The following FNIP2 variants were observed in gnomAD, a reference collection of about 807,000 sequenced individuals.
The protein encoded by FNIP2 is folliculin interacting protein 2, also known as folliculin-interacting protein 2.
In FNIP2, 32 loss-of-function variants were observed where a neutral mutation model predicts 108.7. The ratio of observed to expected loss-of-function variants is 0.29; its 90% CI spans 0.22 to 0.40. The LOEUF is 0.40. Ranked by LOEUF, FNIP2 falls within the 10% of genes least tolerant of loss-of-function variation. The pLI, the probability that FNIP2 is intolerant of heterozygous loss-of-function variation, is 1.00. For synonymous variants in FNIP2, 480 were observed against 496.7 expected (o/e 0.97, Z 0.45); for missense variants, 1,202 against 1,381.6 (o/e 0.87, Z 2.06).
intron 7 of FNIP2, among the ~76,000 whole-genome samples, chr4:158,841,248 A>C (rs1241483438): frequency 6.6e-6 from 1 of 152,176 alleles, no homozygotes; most frequent in Admixed American, 6.5e-5. Context: ...GATGGTTGCG[A>C]GATAAGGCTG....
chr4:158,827,402 G>C (rs1343126645), intron 2 of FNIP2, among the ~76,000 whole-genome samples: 1 of 152,198 alleles, frequency 6.6e-6, no homozygotes, highest in African/African-American at 2.4e-5. Flanking sequence ...GGAATCTTCA[G>C]TGTACCAGAG....
chr4:158,806,619 T>A (rs1029979376), intron 1 of FNIP2, among the ~76,000 whole-genome samples: 1 of 152,210 alleles, frequency 6.6e-6, no homozygotes, highest in Non-Finnish European at 1.5e-5. Flanking sequence ...GGGTATTTTT[T>A]AGTGACTATT....
In FNIP2 at chr4:158,904,541, A is replaced by G. The variant is rs767109070; in HGVS notation, c.3342A>G (p.Leu1114=). 3 of 1,612,452 alleles carry G rather than the reference A, an allele frequency of 1.9e-6. No individual in the cohort carries two copies. The highest frequency in any genetic ancestry group is 2.5e-6 in the Non-Finnish European group (3 of 1,179,438). Residue 1114 remains leucine (L), a synonymous_variant, in exon 17 of 17, where the codon TTA becomes TTG. Coordinates refer to ENST00000264433, the MANE Select transcript of FNIP2 (RefSeq NM_020840.3). ...THSPYVAQIL[L] The stretch of plus-strand genomic sequence containing the variant: ...CTCCTTATGTGGCTCAAATACTCTT[A>G]TAAGCTAAAGCTCAGGACAGTTCTT...
chr4:158,889,150 C>T (rs756637030), intron 14 of FNIP2, among the ~76,000 whole-genome samples: 25 of 152,110 alleles, frequency 1.6e-4, no homozygotes, highest in Admixed American at 1.4e-3. Flanking sequence ...TGTGATCAGA[C>T]TTCTGCACTC....
In FNIP2 at chr4:158,850,317, T is replaced by C. The variant is rs116113577; in HGVS notation, c.728-1004T>C. Among the ~76,000 whole-genome samples, 1,262 of 152,264 alleles carry C rather than the reference T, an allele frequency of 8.3e-3. 8 individuals carry two copies. The highest frequency in any genetic ancestry group is 0.014 in the Non-Finnish European group (936 of 68,014). ...CTGGACTGAGTGACATTTCAATGTCTAATTCCTTAGCCTTAGGGAAGTAAA... is the reference window on the plus strand; with the variant it reads ...CTGGACTGAGTGACATTTCAATGTCCAATTCCTTAGCCTTAGGGAAGTAAA... On this transcript the variant is annotated intron_variant, in intron 7 of 16. Coordinates refer to ENST00000264433, the MANE Select transcript of FNIP2 (RefSeq NM_020840.3).
Position 158,891,792 on chromosome 4 carries a change from C to T in FNIP2, c.3150+146C>T, listed in dbSNP as rs1578989688. The T allele has an allele frequency of 1.7e-5, 13 of 773,950 alleles. No homozygotes were observed. The East Asian group carries it at 3.3e-4, about 19-fold the overall frequency. 47.9% of individuals were successfully genotyped at this position (773,950 alleles called of 1,614,324 possible). On this transcript the variant is annotated intron_variant, in intron 15 of 16. Transcript: ENST00000264433. ...TAAAACTAGAACATGCAGCATAAAACTCGCAACAGGATAGATTTCAGTAGT... is the reference window on the plus strand; with the variant it reads ...TAAAACTAGAACATGCAGCATAAAATTCGCAACAGGATAGATTTCAGTAGT...
At chr4:158,849,813 A>T (rs75866836) in intron 7 of FNIP2, among the ~76,000 whole-genome samples, 1 of 152,246 alleles carries the variant, frequency 6.6e-6, no homozygotes, top group South Asian at 2.1e-4. Context: ...AAAAAAAAAA[A>T]AAGTGCCATA....
chr4:158,799,748 C>T (rs1776701591), intron 1 of FNIP2, among the ~76,000 whole-genome samples: 1 of 152,030 alleles, frequency 6.6e-6, no homozygotes, highest in Admixed American at 6.5e-5. Flanking sequence ...TGGCAGTCTT[C>T]AAAAAATAAT....
chr4:158,812,222 C>T (rs1049180556), intron 1 of FNIP2, among the ~76,000 whole-genome samples: 6 of 152,148 alleles, frequency 3.9e-5, no homozygotes, highest in African/African-American at 1.2e-4. Flanking sequence ...TAGGCAGTAA[C>T]TAATGTCTTA....
chr4:158,824,102 A>G (rs1778028907), intron 1 of FNIP2, among the ~76,000 whole-genome samples: 1 of 152,234 alleles, frequency 6.6e-6, no homozygotes, highest in African/African-American at 2.4e-5. Context: ...CCAAAAATGC[A>G]CAATTTGTGA....
In FNIP2 at chr4:158,907,544, A is replaced by G. The variant is rs1384969478; in HGVS notation, c.*3000A>G. On this transcript the variant is annotated 3_prime_UTR_variant, in exon 17 of 17. Coordinates refer to ENST00000264433, the MANE Select transcript of FNIP2 (RefSeq NM_020840.3). ...TCTGTAGCTTTTTAGGTTCTTCACTAGAGTTGGTTGTACATAAAAATAATA... is the reference window on the plus strand; with the variant it reads ...TCTGTAGCTTTTTAGGTTCTTCACTGGAGTTGGTTGTACATAAAAATAATA... 6.6e-6 allele frequency: 1 copy of G among 152,226 alleles called. No individual in the cohort carries two copies. The allele number at this position is 152,226 out of a possible 1,614,324, so 9.4% of individuals were successfully genotyped here.
intron 16 of FNIP2, among the ~76,000 whole-genome samples, chr4:158,902,801 T>C (rs1225433330): frequency 6.6e-6 from 1 of 152,180 alleles, no homozygotes; most frequent in Non-Finnish European, 1.5e-5. Context: ...CTAAACCGCT[T>C]ACTCAAGTCT....
At chr4:158,890,960 G>C (rs1057480036) in intron 14 of FNIP2, among the ~76,000 whole-genome samples, 2 of 152,106 alleles carry the variant, frequency 1.3e-5, no homozygotes, top group Non-Finnish European at 2.9e-5. Context: ...CAGTCTCACC[G>C]GGCCTTGTCT....
At chr4:158,857,156 A>G (rs553620626) in intron 8 of FNIP2, among the ~76,000 whole-genome samples, 1 of 152,348 alleles carries the variant, frequency 6.6e-6, no homozygotes, top group East Asian at 1.9e-4. Flanking sequence ...AGTGTTTATT[A>G]TAATTTGATT....
chr4:158,850,958 A>G (rs1779665624), intron 7 of FNIP2, among the ~76,000 whole-genome samples: 1 of 152,060 alleles, frequency 6.6e-6, no homozygotes, highest in South Asian at 2.1e-4. Flanking sequence ...TCCTTTTTAA[A>G]GGATGTTTTC....
chr4:158,829,948 T>C (rs911456763), intron 3 of FNIP2, among the ~76,000 whole-genome samples: 7 of 152,176 alleles, frequency 4.6e-5, no homozygotes, highest in African/African-American at 1.4e-4. Flanking sequence ...ACTTTGTTTT[T>C]TCATAGTTAG....
chr4:158,902,294 G>A (rs571788521), intron 16 of FNIP2, among the ~76,000 whole-genome samples: 3 of 152,280 alleles, frequency 2.0e-5, no homozygotes, highest in Admixed American at 2.0e-4. Flanking sequence ...GACCCTGTTT[G>A]CCTGGGTATC....
At chr4:158,805,526 C>A (rs904156380) in intron 1 of FNIP2, among the ~76,000 whole-genome samples, 3 of 152,138 alleles carry the variant, frequency 2.0e-5, no homozygotes, top group Admixed American at 6.5e-5. Context: ...TGCTCGTTAT[C>A]ATTTTTTTTG....
chr4:158,857,640 C>T lies in FNIP2; in HGVS notation c.858-1417C>T, dbSNP rs551627353. On this transcript the variant is annotated intron_variant, in intron 8 of 16. Coordinates refer to ENST00000264433, the MANE Select transcript of FNIP2 (RefSeq NM_020840.3). Reference sequence around the variant, plus strand: ...TGAGGTTAGAATAAGATGTCTATCTCCTTTCCTTTAAAAATAAAATAGCCA... The same window carrying T: ...TGAGGTTAGAATAAGATGTCTATCTTCTTTCCTTTAAAAATAAAATAGCCA... Among the ~76,000 whole-genome samples, 9 of 152,158 alleles carry T rather than the reference C, an allele frequency of 5.9e-5. 1 individual carries two copies. The highest frequency in any genetic ancestry group is 1.9e-4 in the African/African-American group (8 of 41,518).
Sources: gnomAD v4.1 joint callset for allele counts (sites outside exome capture counted in the v4.1 genomes callset) on GRCh38, gnomAD v4.1.1 for gene constraint, MANE v1.5 for transcripts, NCBI Gene and HGNC (gene_info 2026-07-23, HGNC 2026-07-21) for gene names.